The following RBFOX1 variants were observed in gnomAD, a reference collection of about 807,000 sequenced individuals.
The protein encoded by RBFOX1 is RNA binding fox-1 homolog 1.
A neutral mutation model predicts 57.7 loss-of-function variants in RBFOX1; 8 were observed. That is an observed-to-expected ratio of 0.14 (90% CI 0.08 to 0.25). The LOEUF is 0.25. Among genes scored for constraint, RBFOX1 ranks in the 10% least tolerant of loss-of-function variants. RBFOX1 has a pLI of 1.00. For synonymous variants in RBFOX1, 326 were observed against 222.4 expected (o/e 1.47, Z -4.15); for missense variants, 611 against 548.5 (o/e 1.11, Z -1.14).
chr16:7,397,553 T>G (rs1224323272), intron 4 of RBFOX1, among the ~76,000 whole-genome samples: 1 of 152,152 alleles, frequency 6.6e-6, no homozygotes, highest in African/African-American at 2.4e-5. Flanking sequence ...TTCTGAACTT[T>G]GAAAGTCAGT....
At chr16:6,918,906 A>G (rs913882731) in intron 3 of RBFOX1, among the ~76,000 whole-genome samples, 4 of 152,110 alleles carry the variant, frequency 2.6e-5, no homozygotes, top group African/African-American at 9.7e-5. Context: ...GGTGGGGAGG[A>G]AAGTGGCTGT....
chr16:6,627,685 A>G (rs144416105), intron 2 of RBFOX1, among the ~76,000 whole-genome samples: 26 of 152,292 alleles, frequency 1.7e-4, no homozygotes, highest in African/African-American at 5.8e-4. Context: ...TGAGCAGCAC[A>G]CTGTGAAAAC....
At chr16:5,915,092 G>A (rs2058677364) in intron 4 of RBFOX1, among the ~76,000 whole-genome samples, 1 of 152,078 alleles carries the variant, frequency 6.6e-6, no homozygotes, top group African/African-American at 2.4e-5. Flanking sequence ...ACCAGGAGGT[G>A]GAAACCACTG....
intron 4 of RBFOX1, among the ~76,000 whole-genome samples, chr16:7,382,100 C>T (rs2097790165): frequency 6.6e-6 from 1 of 152,176 alleles, no homozygotes; most frequent in Non-Finnish European, 1.5e-5. Context: ...TAAAATTCAA[C>T]CTATTCTGAG....
intron 4 of RBFOX1, among the ~76,000 whole-genome samples, chr16:7,241,724 T>C (rs1191152421): frequency 6.6e-6 from 1 of 152,112 alleles, no homozygotes; most frequent in South Asian, 2.1e-4. Flanking sequence ...CAAATATATA[T>C]GCATATACAC....
At chr16:7,513,626 G>C (rs982481060) in intron 4 of RBFOX1, among the ~76,000 whole-genome samples, 5 of 152,114 alleles carry the variant, frequency 3.3e-5, no homozygotes, top group African/African-American at 9.7e-5. Flanking sequence ...CCTCATTTGT[G>C]ACAAAACTGT....
chr16:6,965,112 C>G (rs888067810), intron 3 of RBFOX1, among the ~76,000 whole-genome samples: 2 of 152,060 alleles, frequency 1.3e-5, no homozygotes, highest in Non-Finnish European at 2.9e-5. Context: ...GTGGGTTTAT[C>G]TAGACTCTGC....
At chr16:7,224,205 G>A (rs2092944235) in intron 4 of RBFOX1, among the ~76,000 whole-genome samples, 1 of 145,702 alleles carries the variant, frequency 6.9e-6, no homozygotes, top group Non-Finnish European at 1.5e-5. Flanking sequence ...TACTATAATG[G>A]GAAGAGTTCC....
intron 2 of RBFOX1, among the ~76,000 whole-genome samples, chr16:6,550,422 C>G (rs755501122): frequency 6.6e-6 from 1 of 152,192 alleles, no homozygotes; most frequent in Non-Finnish European, 1.5e-5. Context: ...AATTCGTGGC[C>G]TCAAGTGATC....
intron 3 of RBFOX1, among the ~76,000 whole-genome samples, chr16:5,673,083 G>C (rs1444673914): frequency 6.6e-6 from 1 of 152,110 alleles, no homozygotes; most frequent in East Asian, 1.9e-4. Context: ...AGTATGTCTA[G>C]CGGCATCTCT....
At chr16:5,952,084 T>C (rs1399533950) in intron 4 of RBFOX1, among the ~76,000 whole-genome samples, 2 of 150,224 alleles carry the variant, frequency 1.3e-5, no homozygotes, top group Non-Finnish European at 3.0e-5. Flanking sequence ...TATGTGTATA[T>C]ATGCATATAT....
At chr16:5,553,824 TA>T (rs1410066664) in intron 2 of RBFOX1, among the ~76,000 whole-genome samples, 1 of 151,288 alleles carries the variant, frequency 6.6e-6, no homozygotes, top group Non-Finnish European at 1.5e-5. Flanking sequence ...TTTATATAAT[TA>T]AAGGTCAACA....
chr16:7,050,262 A>G (rs1394502794), intron 3 of RBFOX1, among the ~76,000 whole-genome samples: 1 of 96,366 alleles, frequency 1.0e-5, no homozygotes, highest in Non-Finnish European at 2.2e-5. Context: ...CTTTATTTTT[A>G]TCTTTTTTTT....
intron 5 of RBFOX1, among the ~76,000 whole-genome samples, chr16:7,538,816 G>T (rs1199187216): frequency 6.6e-6 from 1 of 151,988 alleles, no homozygotes; most frequent in African/African-American, 2.4e-5. Context: ...CTGGAACTTG[G>T]TGATTGTCTG....
intron 4 of RBFOX1, among the ~76,000 whole-genome samples, chr16:5,917,076 C>T (rs1427788693): frequency 6.6e-6 from 1 of 152,068 alleles, no homozygotes; most frequent in Admixed American, 6.6e-5. Flanking sequence ...GCAGGCGTGG[C>T]CCCACTTGAA....
chr16:6,771,588 G>A (rs951937562), intron 3 of RBFOX1, among the ~76,000 whole-genome samples: 1 of 152,176 alleles, frequency 6.6e-6, no homozygotes, highest in Non-Finnish European at 1.5e-5. Context: ...ATAGTATAGA[G>A]AGCTTTCTGA....
At chr16:7,177,185 A>G (rs140006502) in intron 4 of RBFOX1, among the ~76,000 whole-genome samples, 65 of 152,336 alleles carry the variant, frequency 4.3e-4, no homozygotes, top group African/African-American at 1.5e-3. Context: ...TTTTCCCCAC[A>G]TGGAGAATAG....
intron 3 of RBFOX1, among the ~76,000 whole-genome samples, chr16:6,875,055 A>G (rs12709158): frequency 0.78 from 119,068 of 152,154 alleles, 47,627 homozygotes; most frequent in African/African-American, 0.94. Context: ...TGTGGTCAAG[A>G]ACAGGGCGAA....
chr16:7,507,439 G>C (rs1190447365), intron 4 of RBFOX1, among the ~76,000 whole-genome samples: 1 of 151,940 alleles, frequency 6.6e-6, no homozygotes, highest in African/African-American at 2.4e-5. Context: ...TTTTCTCCAG[G>C]ATTGTGTATC....
Sources: gnomAD v4.1 joint callset for allele counts (sites outside exome capture counted in the v4.1 genomes callset) on GRCh38, gnomAD v4.1.1 for gene constraint, MANE v1.5 for transcripts, NCBI Gene and HGNC (gene_info 2026-07-23, HGNC 2026-07-21) for gene names.